The following CEACAM3 variants were observed in gnomAD, a reference collection of about 807,000 sequenced individuals.
CEACAM3 encodes the protein CEA cell adhesion molecule 3.
Under a neutral mutation model 30.1 loss-of-function variants are expected in CEACAM3, and 32 were observed. That is an observed-to-expected ratio of 1.06 (90% CI 0.80 to 1.43). The LOEUF (loss-of-function observed/expected upper bound fraction) is 1.43, where lower values mean the gene tolerates loss of function less well. Ranked by LOEUF, CEACAM3 falls within the 40% of genes most tolerant of loss-of-function variation. The probability of loss-of-function intolerance (pLI) is 0.00; values close to 1 mark genes in which losing one functional copy is unlikely to be tolerated. For synonymous variants in CEACAM3, 134 were observed against 127.2 expected (o/e 1.05, Z -0.36); for missense variants, 290 against 316.3 (o/e 0.92, Z 0.63).
Position 41,797,750 on chromosome 19 carries a change from A to G in CEACAM3, c.226A>G (p.Asn76Asp). The change falls in exon 2 of 7, where the codon AAC (asparagine) becomes GAC (aspartate). Residue 76 changes from asparagine to aspartate, a missense_variant. Transcript: ENST00000357396. ...SWYKGERVDG[N>D]SLIVGYVIGT... Reference sequence around the variant, plus strand: ...GTACAAAGGGGAAAGAGTGGATGGCAACAGTCTAATTGTAGGATATGTAAT... The same window carrying G: ...GTACAAAGGGGAAAGAGTGGATGGCGACAGTCTAATTGTAGGATATGTAAT... 3 of 1,613,450 alleles carry G rather than the reference A, an allele frequency of 1.9e-6. No individual in the cohort carries two copies. The highest frequency in any genetic ancestry group is 2.5e-6 in the Non-Finnish European group (3 of 1,179,960).
chr19:41,803,621 C>A (rs1555826314), intron 2 of CEACAM3, among the ~76,000 whole-genome samples: 1 of 152,028 alleles, frequency 6.6e-6, no homozygotes, highest in Non-Finnish European at 1.5e-5. Flanking sequence ...CGCCCGCCAC[C>A]ATGCCCGGCT....
intron 3 of CEACAM3, chr19:41,809,508 G>A (rs1555827294): frequency 5.9e-6 from 1 of 168,784 alleles, no homozygotes; most frequent in East Asian, 1.8e-4. Flanking sequence ...GAGAGGACAA[G>A]GACACTGTCC....
At position 41,810,857 on chromosome 19, in the gene CEACAM3, C is replaced by T. The variant is rs782517807; in HGVS notation, c.653C>T (p.Ala218Val). Reference sequence around the variant, plus strand: ...ATGTCCCCTCTCTCCACTGCCCAGGCCCCCCTACCCAACCCCAGGACAGCA... The same window carrying T: ...ATGTCCCCTCTCTCCACTGCCCAGGTCCCCCTACCCAACCCCAGGACAGCA... ...FSMSPLSTAQ[A>V]PLPNPRTAAS... The change falls in exon 6 of 7, where the codon GCC becomes GTC. Residue 218 changes from alanine (A) to valine (V), a missense_variant. By Grantham distance (64) the Ala-to-Val change is moderately conservative (BLOSUM62 0). Coordinates refer to ENST00000357396, the MANE Select transcript of CEACAM3 (RefSeq NM_001815.5). The T allele has an allele frequency of 3.7e-6, 6 of 1,613,050 alleles. No homozygotes were observed. Among genetic ancestry groups the T allele is most frequent in the Non-Finnish European group, 5.1e-6 (6 of 1,179,494 alleles).
chr19:41,807,393 T>A (rs923963351), intron 2 of CEACAM3: 130 of 608,570 alleles, frequency 2.1e-4, no homozygotes, highest in Admixed American at 6.4e-4. Flanking sequence ...GTCCTCTGTA[T>A]CTTCTGTTCC....
intron 2 of CEACAM3, among the ~76,000 whole-genome samples, chr19:41,800,724 C>G (rs1555825911): frequency 6.6e-6 from 1 of 152,148 alleles, no homozygotes; most frequent in African/African-American, 2.4e-5. Context: ...GGGAAGGGCC[C>G]CCTGTCCAGT....
chr19:41,803,749 A>AAATACCGAACCCAGTGGGT (rs2073175542), intron 2 of CEACAM3, among the ~76,000 whole-genome samples: 1 of 149,364 alleles, frequency 6.7e-6, no homozygotes, highest in Non-Finnish European at 1.5e-5. Flanking sequence ...TACAGGCATG[A>AAATACCGAACCCAGTGGGT]GCCACCATGC....
In CEACAM3 at chr19:41,797,909, C is replaced by A; in HGVS notation, c.385C>A (p.Leu129Ile). The change falls in exon 2 of 7, where the codon CTT (leucine) becomes ATT (isoleucine). Residue 129 changes from leucine (L) to isoleucine (I), a missense_variant. Leu to Ile is a conservative substitution (Grantham distance 5). Coordinates refer to ENST00000357396, the MANE Select transcript of CEACAM3 (RefSeq NM_001815.5). Reference sequence around the variant, plus strand: ...CACCCTACAAGTCATAAAGTCAGATCTTGTGAATGAAGAAGCAACTGGACA... The same window carrying A: ...CACCCTACAAGTCATAAAGTCAGATATTGTGAATGAAGAAGCAACTGGACA... ...FYTLQVIKSDLVNEEATGQFH... is the reference protein window; with the variant it reads ...FYTLQVIKSDIVNEEATGQFH... 1 of 1,612,184 alleles carries A rather than the reference C, an allele frequency of 6.2e-7. No individual in the cohort carries two copies. The highest frequency in any genetic ancestry group is 2.2e-5 in the East Asian group (1 of 44,882).
intron 3 of CEACAM3, 81 bp downstream of exon 3, chr19:41,809,011 A>G: frequency 9.7e-7 from 1 of 1,029,560 alleles, no homozygotes; most frequent in East Asian, 2.8e-5. Flanking sequence ...TCCTGTATTC[A>G]GGGCCAGGCT....
chr19:41,809,826 C>A (rs534527593), intron 3 of CEACAM3, 139 bp from the exon 4 acceptor site: 2 of 789,234 alleles, frequency 2.5e-6, no homozygotes, highest in Non-Finnish European at 4.4e-6. Context: ...TGCTGGGCTC[C>A]CCCTAACACA....
chr19:41,796,684 C>T lies in CEACAM3; in HGVS notation c.7C>T (p.Pro3Ser). 1 of 1,614,002 alleles carries T rather than the reference C, an allele frequency of 6.2e-7. No individual in the cohort carries two copies. Residue 3 changes from proline (P) to serine (S), a missense_variant, in exon 1 of 7, where the codon CCC becomes TCC. Coordinates refer to ENST00000357396, the MANE Select transcript of CEACAM3 (RefSeq NM_001815.5). MG[P>S]PSASPHRECI... ...AGAGCAGGCAGCAGAGACCATGGGG[C>T]CCCCCTCAGCCTCTCCCCACAGAGA...
chr19:41,804,342 G>T lies in CEACAM3; in HGVS notation c.425-4471G>T, dbSNP rs1600519056. Among the ~76,000 whole-genome samples the T allele has an allele frequency of 2.6e-5, 4 of 152,232 alleles. No homozygotes were observed. The South Asian group carries it at 8.3e-4, about 32-fold the overall frequency. The stretch of plus-strand genomic sequence containing the variant: ...GGTCTTCGGGTGGGGAGATGCACCA[G>T]CCACCGGCATCTCACTTAGACTCTG... On this transcript the variant is annotated intron_variant, in intron 2 of 6. Coordinates refer to ENST00000357396, the MANE Select transcript of CEACAM3 (RefSeq NM_001815.5).
At chr19:41,800,256 C>T (rs555376668) in intron 2 of CEACAM3, among the ~76,000 whole-genome samples, 28 of 152,248 alleles carry the variant, frequency 1.8e-4, no homozygotes, top group Non-Finnish European at 3.7e-4. Flanking sequence ...GACAAGAGTG[C>T]GAGCCTTCTG....
Position 41,803,365 on chromosome 19 carries a change from T to G in CEACAM3, c.424+5417T>G, listed in dbSNP as rs1301285675. 2.6e-5 allele frequency among the ~76,000 whole-genome samples: 4 copies of G among 151,778 alleles called. No individual in the cohort carries two copies. The East Asian group carries it at 7.7e-4, about 29-fold the overall frequency. On this transcript the variant is annotated intron_variant, in intron 2 of 6. Coordinates refer to ENST00000357396, the MANE Select transcript of CEACAM3 (RefSeq NM_001815.5). ...CCTGGACACAGCTGAGGAAAGAATC[T>G]CTAGCTTGAGGGTGTGTCAGTAGAA...
At chr19:41,809,058 C>G (rs1555827243) in intron 3 of CEACAM3, 128 bp downstream of exon 3, 1 of 671,076 alleles carries the variant, frequency 1.5e-6, no homozygotes, top group Non-Finnish European at 2.5e-6. Context: ...ATCCTTCCCT[C>G]TTATTCCACG....
Position 41,797,653 on chromosome 19 carries a change from C to T in CEACAM3, c.129C>T (p.Leu43=). The T allele has an allele frequency of 6.2e-7, 1 of 1,614,182 alleles. No homozygotes were observed. The change falls in exon 2 of 7, where the codon CTC becomes CTT. Residue 43 remains leucine (L), a synonymous_variant. Transcript: ENST00000357396. ...TAKLTIESMP[L]SVAEGKEVLL... ...AGCTCACTATTGAATCCATGCCGCT[C>T]AGTGTCGCAGAGGGGAAGGAGGTGC...
chr19:41,803,224 G>T (rs2073166253), intron 2 of CEACAM3, among the ~76,000 whole-genome samples: 1 of 152,162 alleles, frequency 6.6e-6, no homozygotes, highest in Non-Finnish European at 1.5e-5. Context: ...GAACAGATGG[G>T]TGATGTAAGC....
intron 2 of CEACAM3, among the ~76,000 whole-genome samples, chr19:41,803,470 GTT>G (rs1179170032): frequency 5.4e-5 from 7 of 130,740 alleles, no homozygotes; most frequent in African/African-American, 1.4e-4. Flanking sequence ...TGTTTTGTTT[GTT>G]TTTTTTTTTT....
At chr19:41,805,285 C>CTTTTTTTTTTTTTTTTTTT (rs782317671) in intron 2 of CEACAM3, among the ~76,000 whole-genome samples, 1 of 105,052 alleles carries the variant, frequency 9.5e-6, no homozygotes, top group Admixed American at 1.1e-4. Flanking sequence ...CTTTTTTCTT[C>CTTTTTTTTTTTTTTTTTTT]TTTTTTTTTT....
chr19:41,801,678 A>T (rs1384120259), intron 2 of CEACAM3, among the ~76,000 whole-genome samples: 1 of 152,168 alleles, frequency 6.6e-6, no homozygotes, highest in Non-Finnish European at 1.5e-5. Context: ...AATCATAGGG[A>T]TGTGGCAACT....
Sources: gnomAD v4.1 joint callset for allele counts (sites outside exome capture counted in the v4.1 genomes callset) on GRCh38, gnomAD v4.1.1 for gene constraint, MANE v1.5 for transcripts, NCBI Gene and HGNC (gene_info 2026-07-23, HGNC 2026-07-21) for gene names.